The following DPYD variants were observed in gnomAD, a reference collection of about 807,000 sequenced individuals.
The protein encoded by DPYD is dihydropyrimidine dehydrogenase.
In DPYD, 109 loss-of-function variants were observed where a neutral mutation model predicts 116.2. That is an observed-to-expected ratio of 0.94 (90% CI 0.80 to 1.10). The LOEUF (loss-of-function observed/expected upper bound fraction) is 1.10. Among genes scored for constraint, DPYD ranks in the 50% least tolerant of loss-of-function variants. The probability of loss-of-function intolerance (pLI) is 0.00; values close to 1 mark genes in which losing one functional copy is unlikely to be tolerated. For synonymous variants in DPYD, 440 were observed against 432.0 expected, an observed-to-expected ratio of 1.02 and a Z score of -0.23; for missense variants, 1,302 against 1,254.5, an observed-to-expected ratio of 1.04 and a Z score of -0.57.
At chr1:97,348,573 T>C (rs1669973713) in intron 16 of DPYD, among the ~76,000 whole-genome samples, 1 of 152,184 alleles carries the variant, frequency 6.6e-6, no homozygotes, top group African/African-American at 2.4e-5. Context: ...CTATTCCTTT[T>C]TCCTGAATTT....
intron 18 of DPYD, among the ~76,000 whole-genome samples, chr1:97,269,547 T>C (rs539361794): frequency 1.3e-5 from 2 of 152,310 alleles, no homozygotes; most frequent in South Asian, 4.1e-4. Flanking sequence ...AAAGACTGGG[T>C]AATTTATAAT....
intron 3 of DPYD, among the ~76,000 whole-genome samples, chr1:97,810,614 C>A (rs1035016176): frequency 3.3e-5 from 5 of 152,060 alleles, no homozygotes; most frequent in Non-Finnish European, 5.9e-5. Context: ...AATCCCTGCA[C>A]ATTACTTGAG....
chr1:97,366,157 A>G (rs1337753103), intron 16 of DPYD, among the ~76,000 whole-genome samples: 1 of 152,234 alleles, frequency 6.6e-6, no homozygotes, highest in African/African-American at 2.4e-5. Flanking sequence ...TGGCAGTTAC[A>G]TAAATGTCTC....
chr1:97,740,624 T>C (rs1664212358), intron 3 of DPYD, 145 bp from the exon 4 acceptor site: 4 of 717,986 alleles, frequency 5.6e-6, no homozygotes, highest in Non-Finnish European at 9.3e-6. Flanking sequence ...AAGCAATAAA[T>C]ACAAAGTTTC....
intron 16 of DPYD, among the ~76,000 whole-genome samples, chr1:97,340,770 G>A (rs779412759): frequency 7.9e-5 from 12 of 152,154 alleles, no homozygotes; most frequent in East Asian, 1.9e-4. Context: ...CAGTAAATAC[G>A]TAGATAAGTT....
At chr1:97,756,905 T>A (rs1665278486) in intron 3 of DPYD, among the ~76,000 whole-genome samples, 1 of 152,150 alleles carries the variant, frequency 6.6e-6, no homozygotes, top group African/African-American at 2.4e-5. Context: ...CCACTCCCTA[T>A]CTGGCAGGTT....
intron 11 of DPYD, among the ~76,000 whole-genome samples, chr1:97,567,499 G>A (rs1427651503): frequency 2.6e-5 from 4 of 152,126 alleles, no homozygotes; most frequent in Admixed American, 6.6e-5. Context: ...GGTGAAGTAC[G>A]TAAATTCCTT....
intron 18 of DPYD, among the ~76,000 whole-genome samples, chr1:97,265,733 T>C (rs1664185265): frequency 6.6e-6 from 1 of 152,206 alleles, no homozygotes; most frequent in Admixed American, 6.5e-5. Context: ...TTAATCTTCT[T>C]ATTAAACTTT....
chr1:97,414,712 C>A (rs1017501741), intron 14 of DPYD, among the ~76,000 whole-genome samples: 74 of 152,212 alleles, frequency 4.9e-4, no homozygotes, highest in African/African-American at 1.7e-3. Context: ...TATGCTGTAG[C>A]TAGAAAATGT....
At chr1:97,447,511 G>T (rs1197940116) in intron 14 of DPYD, among the ~76,000 whole-genome samples, 1 of 152,128 alleles carries the variant, frequency 6.6e-6, no homozygotes, top group Non-Finnish European at 1.5e-5. Context: ...GAGTAAAAAT[G>T]TTAGAAATTA....
intron 20 of DPYD, among the ~76,000 whole-genome samples, chr1:97,162,872 C>A (rs1378614825): frequency 1.3e-4 from 19 of 151,256 alleles, no homozygotes; most frequent in East Asian, 5.8e-4. Context: ...GAAAAACAAG[C>A]AATGGGGAAA....
chr1:97,356,100 T>TCCAACAA (rs2101373240), intron 16 of DPYD, among the ~76,000 whole-genome samples: 2 of 152,326 alleles, frequency 1.3e-5, no homozygotes, highest in African/African-American at 4.8e-5. Context: ...TTATTATCTG[T>TCCAACAA]TGTCTTTTTG....
At chr1:97,093,025 A>G (rs1246459039) in intron 21 of DPYD, among the ~76,000 whole-genome samples, 2 of 152,050 alleles carry the variant, frequency 1.3e-5, no homozygotes, top group South Asian at 2.1e-4. Context: ...TCTAATCTCT[A>G]CTTAGTCTAC....
intron 4 of DPYD, among the ~76,000 whole-genome samples, chr1:97,724,973 G>GAGAA (rs889136518): frequency 4.0e-5 from 6 of 150,196 alleles, no homozygotes; most frequent in Non-Finnish European, 1.5e-5. Flanking sequence ...GAGAGAGAGA[G>GAGAA]AGAGAGAGAG....
intron 3 of DPYD, among the ~76,000 whole-genome samples, chr1:97,763,893 T>C (rs1360032085): frequency 1.3e-5 from 2 of 152,130 alleles, no homozygotes; most frequent in African/African-American, 2.4e-5. Flanking sequence ...TATGCATTTA[T>C]TGTGTGTGAA....
intron 2 of DPYD, chr1:97,856,316 A>G (rs1670842665): frequency 1.3e-5 from 2 of 152,200 alleles, no homozygotes; most frequent in Admixed American, 1.3e-4. Flanking sequence ...TTTACCCCAT[A>G]AAGATAGAGG....
chr1:97,316,513 CAATAAAATAAAATAAAATAAAATAA>C (rs57832711), intron 16 of DPYD, among the ~76,000 whole-genome samples: 2 of 124,272 alleles, frequency 1.6e-5, no homozygotes, highest in African/African-American at 5.8e-5. Context: ...GACTCTGTCT[CAATAAAATAAAATAAAATAAAATAA>C]AATAAAATAA....
chr1:97,608,378 T>A (rs1317317601), intron 8 of DPYD, among the ~76,000 whole-genome samples: 1 of 151,982 alleles, frequency 6.6e-6, no homozygotes, highest in Non-Finnish European at 1.5e-5. Flanking sequence ...ATGGAGGTGT[T>A]GTTTTTCTAC....
chr1:97,822,329 TAC>T (rs1172226062), intron 3 of DPYD, among the ~76,000 whole-genome samples: 6 of 148,138 alleles, frequency 4.1e-5, no homozygotes, highest in Non-Finnish European at 8.9e-5. Context: ...TCTGTATATA[TAC>T]ACAGATTTTA....
Sources: gnomAD v4.1 joint callset for allele counts (sites outside exome capture counted in the v4.1 genomes callset) on GRCh38, gnomAD v4.1.1 for gene constraint, MANE v1.5 for transcripts, NCBI Gene and HGNC (gene_info 2026-07-23, HGNC 2026-07-21) for gene names.